Variants in KCNG3 observed in about 807,000 individuals in gnomAD.
KCNG3 encodes the protein voltage-gated potassium channel regulatory subunit KCNG3.
In KCNG3, 15 loss-of-function variants were observed where a neutral mutation model predicts 29.0. That is an observed-to-expected ratio of 0.52 (90% CI 0.35 to 0.80). The LOEUF (loss-of-function observed/expected upper bound fraction) is 0.80. KCNG3 is among the 30% of genes least tolerant of loss of function. The pLI, the probability that KCNG3 is intolerant of heterozygous loss-of-function variation, is 0.01. For missense variants in KCNG3, 512 were observed against 605.7 expected (o/e 0.85, Z 1.62); for synonymous variants, 322 against 248.9 (o/e 1.29, Z -2.76).
chr2:42,425,613 T>C, the KCNG3 span, among the ~76,000 whole-genome samples: 5 of 152,036 alleles, frequency 3.3e-5, no homozygotes, highest in Non-Finnish European at 5.9e-5. Flanking sequence ...AAGGTATAAT[T>C]TCCAAGATTT....
At chr2:42,477,034 A>T (rs2103720145) in intron 1 of KCNG3, among the ~76,000 whole-genome samples, 1 of 148,320 alleles carries the variant, frequency 6.7e-6, no homozygotes, top group South Asian at 2.2e-4. Flanking sequence ...AAAATATAAA[A>T]AAAAAAAATT....
downstream of KCNG3, chr2:42,440,386 G>A (rs1572837202): frequency 1.3e-5 from 2 of 151,672 alleles, no homozygotes; most frequent in East Asian, 3.9e-4. Flanking sequence ...CATTTCTATG[G>A]AAAAGAGGTG....
At chr2:42,470,698 G>A (rs556329602) in intron 1 of KCNG3, among the ~76,000 whole-genome samples, 1 of 151,768 alleles carries the variant, frequency 6.6e-6, no homozygotes, top group Admixed American at 6.6e-5. Flanking sequence ...AACACAGTGG[G>A]AACCTGTCTC....
At chr2:42,481,402 G>C (rs982495220) in intron 1 of KCNG3, among the ~76,000 whole-genome samples, 2 of 152,100 alleles carry the variant, frequency 1.3e-5, no homozygotes, top group Non-Finnish European at 2.9e-5. Context: ...AGGCTTCTGT[G>C]AGCTAGCCAA....
chr2:42,469,033 G>A (rs936912732), intron 1 of KCNG3, among the ~76,000 whole-genome samples: 1 of 150,082 alleles, frequency 6.7e-6, no homozygotes, highest in Admixed American at 6.7e-5. Context: ...AGTGTAATGT[G>A]ATCAAAATTC....
chr2:42,439,551 C>T (rs1672431874), downstream of KCNG3, among the ~76,000 whole-genome samples: 1 of 149,480 alleles, frequency 6.7e-6, no homozygotes, highest in East Asian at 2.0e-4. Context: ...GCGTGAGCCA[C>T]CATGCCCGGC....
At chr2:42,391,538 A>G in the KCNG3 span, among the ~76,000 whole-genome samples, 2 of 152,066 alleles carry the variant, frequency 1.3e-5, no homozygotes, top group Non-Finnish European at 2.9e-5. Context: ...AGCCTTCTCA[A>G]TAATCAAGAG....
intron 1 of KCNG3, among the ~76,000 whole-genome samples, chr2:42,479,651 A>T (rs563305713): frequency 6.6e-6 from 1 of 151,906 alleles, no homozygotes; most frequent in South Asian, 2.1e-4. Flanking sequence ...GTCTCAAAAA[A>T]AAAAAAAAAG....
chr2:42,425,144 T>A, the KCNG3 span: 1 of 150,414 alleles, frequency 6.6e-6, no homozygotes, highest in East Asian at 2.0e-4. Flanking sequence ...GGTCAAGGGG[T>A]CTGGGGGCAG....
intron 1 of KCNG3, among the ~76,000 whole-genome samples, chr2:42,447,980 A>C (rs1427790699): frequency 6.6e-6 from 1 of 152,218 alleles, no homozygotes; most frequent in East Asian, 1.9e-4. Flanking sequence ...AGGTTGTACC[A>C]AATTACCCAC....
chr2:42,474,753 A>G (rs886368432), intron 1 of KCNG3, among the ~76,000 whole-genome samples: 9 of 152,194 alleles, frequency 5.9e-5, no homozygotes, highest in Non-Finnish European at 1.0e-4. Context: ...AGTTTTATGC[A>G]CTACATTGTA....
rs1264838583 is a variant in KCNG3 at position 42,444,303 on chromosome 2, C to T, written c.942G>A (p.Leu314=). 3 of 1,614,050 alleles carry T rather than the reference C, an allele frequency of 1.9e-6. No homozygotes were observed. The highest frequency in any genetic ancestry group is 2.5e-6 in the Non-Finnish European group (3 of 1,180,038). Residue 314 remains leucine (L), a synonymous_variant, in exon 2 of 2, where the codon TTG becomes TTA. Transcript: ENST00000306078. This position sits in a 1 kb window ranked among gnomAD's most constrained non-coding sequence, Gnocchi z 5.8. ...RHFIGLQTLG[L]TLKRCYREMV... ...TCTCTCGGTAGCAACGTTTGAGAGT[C>T]AAACCGAGTGTCTGAAGACCAATGA...
At chr2:42,478,735 T>C (rs759318431) in intron 1 of KCNG3, among the ~76,000 whole-genome samples, 2 of 152,174 alleles carry the variant, frequency 1.3e-5, no homozygotes, top group African/African-American at 2.4e-5. Context: ...TAGATGGCTC[T>C]ATGGCTACTT....
chr2:42,409,847 C>T, the KCNG3 span, among the ~76,000 whole-genome samples: 10 of 151,784 alleles, frequency 6.6e-5, no homozygotes, highest in Admixed American at 2.6e-4. Context: ...TTGGCTATAA[C>T]GTGATTGACA....
At chr2:42,469,624 A>T (rs1221200652) in intron 1 of KCNG3, among the ~76,000 whole-genome samples, 1 of 152,118 alleles carries the variant, frequency 6.6e-6, no homozygotes, top group Non-Finnish European at 1.5e-5. Context: ...TTTGAAATGT[A>T]AAAGTTAAGT....
At chr2:42,394,717 A>G in the KCNG3 span, among the ~76,000 whole-genome samples, 1 of 152,168 alleles carries the variant, frequency 6.6e-6, no homozygotes, top group Non-Finnish European at 1.5e-5. Context: ...ACCAACATTC[A>G]TCTTACATAT....
In KCNG3 at chr2:42,493,377, C is replaced by A; in HGVS notation, c.125G>T (p.Arg42Leu). 6.4e-7 allele frequency: 1 copy of A among 1,552,104 alleles called. No homozygotes were observed. The highest frequency in any genetic ancestry group is 8.7e-7 in the Non-Finnish European group (1 of 1,149,494). Reference protein sequence around the residue: ...LRRVSRLHGCRSERDVLEVCD... With the variant: ...LRRVSRLHGCLSERDVLEVCD... ...CACCTCGAGCACGTCGCGCTCGGAG[C>A]GGCAGCCGTGCAGCCGGCTCACGCG... Residue 42 changes from arginine to leucine, a missense_variant, in exon 1 of 2, where the codon CGC becomes CTC. Physicochemically the swap from Arg to Leu is moderately radical, Grantham distance 102. This residue lies in a region of KCNG3 where 91 missense variants were observed against 91.1 expected (regional missense o/e 1.00). Coordinates refer to ENST00000306078, the MANE Select transcript of KCNG3 (RefSeq NM_133329.6).
intron 1 of KCNG3, among the ~76,000 whole-genome samples, chr2:42,452,003 G>A (rs1169454244): frequency 2.6e-5 from 4 of 151,828 alleles, no homozygotes; most frequent in Admixed American, 2.6e-4. Flanking sequence ...ATCTGAGTAA[G>A]AATTAATTTA....
At chr2:42,392,405 A>ATGCCAGGGGAGGATGGGTGTCCCCCACC in the KCNG3 span, among the ~76,000 whole-genome samples, 1 of 152,016 alleles carries the variant, frequency 6.6e-6, no homozygotes, top group Non-Finnish European at 1.5e-5. Flanking sequence ...GGAGTGGGTA[A>ATGCCAGGGGAGGATGGGTGTCCCCCACC]TGCCAGGGGA....
Sources: allele counts gnomAD v4.1 joint callset (sites outside exome capture counted in the v4.1 genomes callset), GRCh38; gene constraint gnomAD v4.1.1; regional missense constraint gnomAD v4.1.1; non-coding constraint Gnocchi (gnomAD v3.1); transcripts MANE v1.5; gene names NCBI Gene and HGNC (gene_info 2026-07-23, HGNC 2026-07-21).